Variants in PAPPA observed in about 807,000 individuals in gnomAD.
PAPPA encodes pappalysin-1.
Under a neutral mutation model 164.0 loss-of-function variants are expected in PAPPA, and 60 were observed. That is an observed-to-expected ratio of 0.37 (90% CI 0.30 to 0.45). The LOEUF is 0.45. PAPPA is among the 20% of genes least tolerant of loss of function. The pLI is 1.00. For synonymous variants in PAPPA, 875 were observed against 814.1 expected, an observed-to-expected ratio of 1.07 and a Z score of -1.27; for missense variants, 1,782 against 2,087.3, an observed-to-expected ratio of 0.85 and a Z score of 2.85.
chr9:116,186,647 G>A (rs1186729141), intron 1 of PAPPA, among the ~76,000 whole-genome samples: 1 of 151,986 alleles, frequency 6.6e-6, no homozygotes, highest in African/African-American at 2.4e-5. Flanking sequence ...ACTATGGTAG[G>A]GACCTCCCTT....
At chr9:116,331,912 A>C (rs1169474096) in intron 11 of PAPPA, among the ~76,000 whole-genome samples, 2 of 152,248 alleles carry the variant, frequency 1.3e-5, no homozygotes, top group Non-Finnish European at 1.5e-5. Context: ...GAAAGATAAC[A>C]GTATGCACCT....
intron 2 of PAPPA, among the ~76,000 whole-genome samples, chr9:116,199,673 G>A (rs541779949): frequency 5.1e-4 from 78 of 152,178 alleles, no homozygotes; most frequent in Middle Eastern, 3.4e-3. Context: ...CTTCCTGATT[G>A]TCTTAGTTTG....
intron 10 of PAPPA, among the ~76,000 whole-genome samples, chr9:116,329,778 G>A (rs571200152): frequency 6.6e-6 from 1 of 152,020 alleles, no homozygotes; most frequent in East Asian, 1.9e-4. Context: ...CTTTTTATTT[G>A]GCTAGAGACC....
intron 13 of PAPPA, among the ~76,000 whole-genome samples, 164 bp from the exon 14 acceptor site, chr9:116,344,379 T>C (rs1315540922): frequency 1.3e-5 from 2 of 152,230 alleles, no homozygotes; most frequent in African/African-American, 4.8e-5. Context: ...GAAACTTTAA[T>C]CGCTGCCTCT....
chr9:116,395,892 TTA>T (rs2118737734), intron 21 of PAPPA, among the ~76,000 whole-genome samples: 1 of 152,314 alleles, frequency 6.6e-6, no homozygotes, highest in South Asian at 2.1e-4. Context: ...GTGCAGAGAC[TTA>T]TGTTTTCTCA....
At chr9:116,254,518 C>T (rs979055232) in intron 7 of PAPPA, among the ~76,000 whole-genome samples, 41 of 152,116 alleles carry the variant, frequency 2.7e-4, no homozygotes, top group African/African-American at 1.2e-4. Flanking sequence ...CGCGGTGGCT[C>T]ACACCTGTAA....
At chr9:116,168,761 C>T (rs1311061216) in intron 1 of PAPPA, among the ~76,000 whole-genome samples, 6 of 152,184 alleles carry the variant, frequency 3.9e-5, no homozygotes, top group African/African-American at 1.4e-4. Context: ...AATTATTGGA[C>T]AATTCAATAT....
At chr9:116,260,246 T>C (rs1406301447) in intron 7 of PAPPA, among the ~76,000 whole-genome samples, 1 of 152,172 alleles carries the variant, frequency 6.6e-6, no homozygotes, top group African/African-American at 2.4e-5. Context: ...ATGAAGAAAA[T>C]ATGGCACAAT....
intron 1 of PAPPA, among the ~76,000 whole-genome samples, chr9:116,168,274 G>A (rs111786274): frequency 2.4e-4 from 36 of 152,230 alleles, no homozygotes; most frequent in African/African-American, 8.7e-4. Flanking sequence ...TATTTCATAT[G>A]TAGTTATTCA....
rs531427213 is a variant in PAPPA at position 116,288,146 on chromosome 9, G to A, written c.2954-14611G>A. 5.9e-5 allele frequency among the ~76,000 whole-genome samples: 9 copies of A among 152,226 alleles called. No individual in the cohort carries two copies. In the East Asian group the frequency reaches 1.4e-3, roughly 23 times the overall value. On this transcript the variant is annotated intron_variant, in intron 9 of 21. Transcript: ENST00000328252. ...AGCACTCTGGGAGGCTGAAATGGGCGGATCACGAGGTCAGGAGTTTAAGAC... is the reference window on the plus strand; with the variant it reads ...AGCACTCTGGGAGGCTGAAATGGGCAGATCACGAGGTCAGGAGTTTAAGAC...
intron 1 of PAPPA, among the ~76,000 whole-genome samples, chr9:116,160,147 G>A (rs1318691181): frequency 6.6e-6 from 1 of 152,200 alleles, no homozygotes; most frequent in East Asian, 1.9e-4. Flanking sequence ...ACATCCTCTT[G>A]TTCTGCAGAG....
At position 116,398,473 on chromosome 9, in the gene PAPPA, A is replaced by T; in HGVS notation, c.*1857A>T. 1.4e-6 allele frequency: 1 copy of T among 727,224 alleles called. No homozygotes were observed. Among genetic ancestry groups the T allele is most frequent in the Non-Finnish European group, 1.9e-6 (1 of 537,896 alleles). The allele number at this position is 727,224 out of a possible 1,614,324, so 45.0% of individuals were successfully genotyped here. On this transcript the variant is annotated 3_prime_UTR_variant, in exon 22 of 22. Coordinates refer to ENST00000328252, the MANE Select transcript of PAPPA (RefSeq NM_002581.5). ...AAGGCAGGTGTTGTTAATCTATCAT[A>T]GCACTTAAAAAAAAAAAAAAAAAGA...
rs572510782 is a variant in PAPPA, at chr9:116,307,881, C to T, written c.3147+4931C>T. The stretch of plus-strand genomic sequence containing the variant: ...TAGAAAATGAGAATGATAACATCTA[C>T]CTGGTAGAAATTAAGATGAATGATA... On this transcript the variant is annotated intron_variant, in intron 10 of 21. Coordinates refer to ENST00000328252, the MANE Select transcript of PAPPA (RefSeq NM_002581.5). Among the ~76,000 whole-genome samples the T allele has an allele frequency of 1.2e-4, 19 of 152,170 alleles. No individual in the cohort carries two copies. The South Asian group carries it at 3.5e-3, about 28-fold the overall frequency.
At chr9:116,380,763 T>C (rs1362332692) in intron 20 of PAPPA, among the ~76,000 whole-genome samples, 1 of 152,184 alleles carries the variant, frequency 6.6e-6, no homozygotes, top group Non-Finnish European at 1.5e-5. Context: ...CTGTGATCTT[T>C]TAGACTCTAG....
intron 4 of PAPPA, among the ~76,000 whole-genome samples, chr9:116,217,009 G>C (rs949032158): frequency 1.3e-5 from 2 of 152,030 alleles, no homozygotes; most frequent in African/African-American, 4.8e-5. Context: ...CAAAGTGCAG[G>C]GATTACAGGA....
At chr9:116,363,772 T>A (rs1846461582) in intron 18 of PAPPA, among the ~76,000 whole-genome samples, 1 of 152,222 alleles carries the variant, frequency 6.6e-6, no homozygotes, top group South Asian at 2.1e-4. Flanking sequence ...TATCACTGCA[T>A]GTCCAGAAGC....
intron 9 of PAPPA, among the ~76,000 whole-genome samples, chr9:116,295,753 C>G (rs566844952): frequency 3.9e-5 from 6 of 152,270 alleles, no homozygotes; most frequent in Non-Finnish European, 7.4e-5. Flanking sequence ...TCAGACACCT[C>G]TCTTTACATG....
rs142039491 is a variant in PAPPA at position 116,161,906 on chromosome 9, C to T, written c.415+7319C>T. Reference sequence around the variant, plus strand: ...AGAGCCACAGGAGGAAGTGAAGTCTCAGTTCCCTGCGTGTTCTGTGACCTG... The same window carrying T: ...AGAGCCACAGGAGGAAGTGAAGTCTTAGTTCCCTGCGTGTTCTGTGACCTG... On this transcript the variant is annotated intron_variant, in intron 1 of 21. Coordinates refer to ENST00000328252, the MANE Select transcript of PAPPA (RefSeq NM_002581.5). 2.3e-3 allele frequency among the ~76,000 whole-genome samples: 350 copies of T among 152,246 alleles called. 2 individuals are homozygous for T. Among genetic ancestry groups the T allele is most frequent in the Non-Finnish European group, 3.7e-3 (250 of 68,004 alleles).
At chr9:116,340,171 G>A (rs1846117828) in intron 13 of PAPPA, among the ~76,000 whole-genome samples, 1 of 152,046 alleles carries the variant, frequency 6.6e-6, no homozygotes, top group Admixed American at 6.6e-5. Flanking sequence ...GCCCATCACT[G>A]TTATTAAATC....
Sources: gnomAD v4.1 joint callset for allele counts (sites outside exome capture counted in the v4.1 genomes callset) on GRCh38, gnomAD v4.1.1 for gene constraint, MANE v1.5 for transcripts, NCBI Gene and HGNC (gene_info 2026-07-23, HGNC 2026-07-21) for gene names.